SLC4A4: variants seen among roughly 807,000 people sequenced by gnomAD.
SLC4A4 encodes electrogenic sodium bicarbonate cotransporter 1.
Under a neutral mutation model 111.5 loss-of-function variants are expected in SLC4A4, and 27 were observed. That is an observed-to-expected ratio of 0.24 (90% confidence interval 0.18 to 0.33). The LOEUF is 0.33. Ranked by LOEUF, SLC4A4 falls within the 10% of genes least tolerant of loss-of-function variation. The pLI is 1.00. For synonymous variants in SLC4A4, 443 were observed against 463.4 expected (o/e 0.96, Z 0.57); for missense variants, 909 against 1,315.5 (o/e 0.69, Z 4.78).
intron 7 of SLC4A4, among the ~76,000 whole-genome samples, chr4:71,400,242 A>C (rs913614550): frequency 6.6e-6 from 1 of 152,202 alleles, no homozygotes. Flanking sequence ...GGGTCTTTTC[A>C]TATCTGGGCA....
intron 16 of SLC4A4, among the ~76,000 whole-genome samples, chr4:71,528,145 A>G (rs1453447): frequency 0.81 from 122,841 of 152,028 alleles, 50,040 homozygotes; most frequent in East Asian, 0.93. Flanking sequence ...TATATTGGAT[A>G]ATTGGACTAT....
intron 6 of SLC4A4, among the ~76,000 whole-genome samples, chr4:71,381,663 G>A (rs1212266422): frequency 2.0e-5 from 3 of 152,128 alleles, no homozygotes; most frequent in Admixed American, 1.3e-4. Flanking sequence ...TCAGCTAGGT[G>A]CTGGGAATTT....
intron 1 of SLC4A4, among the ~76,000 whole-genome samples, chr4:71,065,132 G>T (rs1006913316): frequency 6.6e-6 from 1 of 152,136 alleles, no homozygotes. Context: ...CTCACTGAAT[G>T]ATATGAGGAA....
intron 1 of SLC4A4, among the ~76,000 whole-genome samples, chr4:71,081,735 C>T (rs964378759): frequency 4.6e-5 from 7 of 152,134 alleles, no homozygotes; most frequent in East Asian, 3.9e-4. Context: ...TCTTCGAACC[C>T]GGGAATCTAG....
At chr4:71,464,208 CA>C (rs1560531134) in intron 12 of SLC4A4, among the ~76,000 whole-genome samples, 1 of 152,096 alleles carries the variant, frequency 6.6e-6, no homozygotes, top group Non-Finnish European at 1.5e-5. Context: ...TTATCCTTAC[CA>C]GGGGTGAAGT....
intron 6 of SLC4A4, among the ~76,000 whole-genome samples, 193 bp downstream of exon 6, chr4:71,357,380 T>C (rs1186602643): frequency 6.6e-6 from 1 of 152,082 alleles, no homozygotes; most frequent in Non-Finnish European, 1.5e-5. Context: ...ATTTCCACAA[T>C]TGTTGTAGGC....
At chr4:71,502,844 C>T (rs1222874741) in intron 16 of SLC4A4, among the ~76,000 whole-genome samples, 1 of 152,074 alleles carries the variant, frequency 6.6e-6, no homozygotes, top group East Asian at 1.9e-4. Context: ...CTGTTAGGTC[C>T]ATTTGATGTA....
intron 16 of SLC4A4, among the ~76,000 whole-genome samples, chr4:71,505,576 G>C (rs1414466737): frequency 6.6e-6 from 1 of 151,702 alleles, no homozygotes; most frequent in Non-Finnish European, 1.5e-5. Context: ...GTTCCTTATA[G>C]ATGCTGGATA....
At chr4:71,563,188 T>G (rs1210317134) in intron 23 of SLC4A4, among the ~76,000 whole-genome samples, 1 of 151,840 alleles carries the variant, frequency 6.6e-6, no homozygotes, top group African/African-American at 2.4e-5. Context: ...AAACATTTTA[T>G]TTTCTTATGT....
chr4:71,279,167 G>A (rs1723303143), intron 3 of SLC4A4, among the ~76,000 whole-genome samples: 1 of 152,124 alleles, frequency 6.6e-6, no homozygotes, highest in Admixed American at 6.5e-5. Context: ...CTGTACGATA[G>A]ATCTCCAGAA....
intron 2 of SLC4A4, among the ~76,000 whole-genome samples, chr4:71,134,156 G>A (rs115852483): frequency 0.011 from 1,618 of 152,244 alleles, 30 homozygotes; most frequent in African/African-American, 0.037. Context: ...ATGAATTAAC[G>A]TGGTTATATT....
At chr4:71,331,847 A>G (rs1404409673) in intron 3 of SLC4A4, among the ~76,000 whole-genome samples, 1 of 151,838 alleles carries the variant, frequency 6.6e-6, no homozygotes, top group Non-Finnish European at 1.5e-5. Context: ...TTATGGCTTT[A>G]ATCTAATTAC....
intron 1 of SLC4A4, among the ~76,000 whole-genome samples, chr4:71,211,946 A>G (rs552165780): frequency 3.2e-4 from 48 of 152,174 alleles, no homozygotes; most frequent in Non-Finnish European, 5.6e-4. Context: ...TACCTAAGAC[A>G]GGGTTTGTAA....
At chr4:71,110,579 A>G (rs760493339) in intron 2 of SLC4A4, among the ~76,000 whole-genome samples, 1 of 152,230 alleles carries the variant, frequency 6.6e-6, no homozygotes, top group Non-Finnish European at 1.5e-5. Context: ...ATTAACCTTT[A>G]GAAGTTCCAT....
Position 71,333,988 on chromosome 4 carries a change from C to T in SLC4A4, c.254-5382C>T, listed in dbSNP as rs528058477. ...GGCCTGGAATTGGGGATCATAGGAG[C>T]CTGCTTGGTACTCTGCTCCACTGTG... On this transcript the variant is annotated intron_variant, in intron 3 of 25. Coordinates refer to ENST00000264485, the MANE Select transcript of SLC4A4 (RefSeq NM_001098484.3). 1.5e-4 allele frequency among the ~76,000 whole-genome samples: 23 copies of T among 152,070 alleles called. No individual in the cohort carries two copies. In the East Asian group the frequency reaches 4.1e-3, roughly 27 times the overall value.
At position 71,227,135 on chromosome 4, in the gene SLC4A4, AG is replaced by A. The variant is rs368332708; in HGVS notation, c.-1-9438del. ...GAAGGAGCATAGCTCTGCTCAGGGA[AG>A]GGTATGTCTGATAATGTAGAGAGGC... On this transcript the variant is annotated intron_variant, in intron 1 of 25. Coordinates refer to ENST00000264485, the MANE Select transcript of SLC4A4 (RefSeq NM_001098484.3). 1.9e-3 allele frequency among the ~76,000 whole-genome samples: 287 copies of A among 152,212 alleles called. 2 individuals are homozygous for A. Among genetic ancestry groups the A allele is most frequent in the African/African-American group, 6.7e-3 (277 of 41,546 alleles).
chr4:71,153,020 AAT>A (rs1744353512), intron 2 of SLC4A4, among the ~76,000 whole-genome samples: 2 of 133,214 alleles, frequency 1.5e-5, no homozygotes, highest in South Asian at 2.5e-4. Context: ...TATATATATA[AAT>A]ATATGTGTGT....
intron 6 of SLC4A4, among the ~76,000 whole-genome samples, chr4:71,387,388 G>T (rs550942591): frequency 2.1e-4 from 32 of 151,890 alleles, no homozygotes; most frequent in African/African-American, 7.5e-4. Context: ...GTGTTTTTTT[G>T]TGAATCTGTC....
Position 71,335,822 on chromosome 4 carries a change from C to T in SLC4A4, c.254-3548C>T, listed in dbSNP as rs577226015. 4.7e-4 allele frequency among the ~76,000 whole-genome samples: 69 copies of T among 147,704 alleles called. 1 individual carries two copies. In the East Asian group the frequency reaches 0.014, roughly 31 times the overall value. On this transcript the variant is annotated intron_variant, in intron 3 of 25. Transcript: ENST00000264485. ...CCTGGGCAATAGTGTGAGACTCTGT[C>T]TCAAAAAAAAAAAAAATTTCTAATC...
Sources: allele counts gnomAD v4.1 joint callset (sites outside exome capture counted in the v4.1 genomes callset), GRCh38; gene constraint gnomAD v4.1.1; transcripts MANE v1.5; gene names NCBI Gene and HGNC (gene_info 2026-07-23, HGNC 2026-07-21).